The following PTPDC1 variants were observed in gnomAD, a reference collection of about 807,000 sequenced individuals.
PTPDC1 encodes protein tyrosine phosphatase domain containing 1, also known as protein tyrosine phosphatase domain-containing protein 1.
PTPDC1 carries 53 observed loss-of-function variants against 75.3 expected under a neutral mutation model. The observed-to-expected ratio is 0.70, with a 90% CI of 0.56 to 0.88. The LOEUF (loss-of-function observed/expected upper bound fraction) is 0.88. Among genes scored for constraint, PTPDC1 ranks in the 40% least tolerant of loss-of-function variants. PTPDC1 has a pLI of 0.00. For synonymous variants in PTPDC1, 349 were observed against 366.2 expected, an observed-to-expected ratio of 0.95 and a Z score of 0.54; for missense variants, 925 against 998.6, an observed-to-expected ratio of 0.93 and a Z score of 0.99.
chr9:94,088,144 G>A lies in PTPDC1; in HGVS notation c.498-1G>A, dbSNP rs1434299812. 35 of 1,610,436 alleles carry A rather than the reference G, an allele frequency of 2.2e-5. No homozygotes were observed. Among genetic ancestry groups the A allele is most frequent in the Non-Finnish European group, 3.0e-5 (35 of 1,179,074 alleles). ...TGACTGACTGCCCTTTTTCCTTTAAGCCATGGCATAAAAACAATAATCAAC... is the reference window on the plus strand; with the variant it reads ...TGACTGACTGCCCTTTTTCCTTTAAACCATGGCATAAAAACAATAATCAAC... On this transcript the variant is annotated splice_acceptor_variant, in intron 3 of 8. Transcript: ENST00000620992. LOFTEE classifies it high-confidence loss of function.
At chr9:94,081,255 G>C (rs980345923), upstream of PTPDC1, among the ~76,000 whole-genome samples, 1 of 152,276 alleles carries the variant, frequency 6.6e-6, no homozygotes, top group South Asian at 2.1e-4. Context: ...CTCCCAAAGT[G>C]CTGGGATTAC....
At chr9:94,060,773 G>A (rs568233935) in intron 1 of PTPDC1, among the ~76,000 whole-genome samples, 2 of 152,260 alleles carry the variant, frequency 1.3e-5, no homozygotes, top group African/African-American at 4.8e-5. Flanking sequence ...GGGGGATCAT[G>A]CTAAACCATT....
intron 1 of PTPDC1, among the ~76,000 whole-genome samples, chr9:94,059,869 C>T (rs1024027296): frequency 6.6e-6 from 1 of 152,056 alleles, no homozygotes; most frequent in Non-Finnish European, 1.5e-5. Context: ...TATTCTTTGA[C>T]TGTTGTTGTA....
At chr9:94,038,006 G>A (rs1247136859) in intron 1 of PTPDC1, 3 of 344,378 alleles carry the variant, frequency 8.7e-6, no homozygotes, top group Non-Finnish European at 1.7e-5. Context: ...CCTTCGTTGC[G>A]CCAGCGACAA....
At chr9:94,077,098 G>A (rs1405659651) in intron 2 of PTPDC1, among the ~76,000 whole-genome samples, 2 of 152,150 alleles carry the variant, frequency 1.3e-5, no homozygotes, top group South Asian at 2.1e-4. Flanking sequence ...ACTTAAGGCT[G>A]TGCAGTCATC....
chr9:94,074,254 A>G (rs928733017), intron 2 of PTPDC1, among the ~76,000 whole-genome samples: 1 of 152,000 alleles, frequency 6.6e-6, no homozygotes, highest in African/African-American at 2.4e-5. Context: ...ACCCCAACAA[A>G]AGTTGGGTGC....
At position 94,098,440 on chromosome 9, in the gene PTPDC1, T is replaced by C. The variant is rs16909677; in HGVS notation, c.1874T>C (p.Leu625Pro). 3.1e-6 allele frequency: 5 copies of C among 1,614,206 alleles called. No homozygotes were observed. The highest frequency in any genetic ancestry group is 3.4e-6 in the Non-Finnish European group (4 of 1,180,028). The change falls in exon 6 of 9, where the codon CTG (leucine) becomes CCG (proline). Residue 625 changes from leucine to proline, a missense_variant. Physicochemically the swap from Leu to Pro is moderately conservative, Grantham distance 98. Transcript: ENST00000620992. ...CATGAAACCCAGGACAGTAAAGATC[T>C]GTCTGAAGCAGCTTCACACTCTGCA... ...VEHETQDSKD[L>P]SEAASHSALQ...
In PTPDC1 at chr9:94,098,029, AC is replaced by A; in HGVS notation, c.1464del (p.Tyr488Ter). On this transcript the variant is annotated frameshift_variant, in exon 6 of 9. Transcript: ENST00000620992. LOFTEE classifies it high-confidence loss of function. ...CAGCAGAAGCTCATAAGCCATTGTT[AC>A]ATCCCACAGTCTCCAGAACCAGACT... is the stretch of plus-strand genomic sequence containing the variant. ...PRQQKLISHC[Y>X]IPQSPEPDLH... 2 of 1,614,204 alleles carry A rather than the reference AC, an allele frequency of 1.2e-6. No homozygotes were observed. Among genetic ancestry groups the A allele is most frequent in the African/African-American group, 1.3e-5 (1 of 75,058 alleles).
At chr9:94,069,244 T>G (rs1826426886) in intron 2 of PTPDC1, among the ~76,000 whole-genome samples, 1 of 152,182 alleles carries the variant, frequency 6.6e-6, no homozygotes, top group Non-Finnish European at 1.5e-5. Flanking sequence ...ACGGGTACAG[T>G]CATCCCTCCT....
intron 4 of PTPDC1, among the ~76,000 whole-genome samples, chr9:94,095,104 T>C (rs1035483972): frequency 6.6e-6 from 1 of 152,182 alleles, no homozygotes; most frequent in Non-Finnish European, 1.5e-5. Context: ...GCTCCTCCCC[T>C]CAGGAAATGT....
intron 2 of PTPDC1, among the ~76,000 whole-genome samples, chr9:94,074,865 A>G (rs1826632740): frequency 6.6e-6 from 1 of 152,184 alleles, no homozygotes; most frequent in African/African-American, 2.4e-5. Context: ...CCTCACTAAG[A>G]TGAAAGTTAT....
rs1175631023 is a variant in PTPDC1 at position 94,087,699 on chromosome 9, T to A, written c.417-132T>A. The A allele has an allele frequency of 4.5e-6, 3 of 666,952 alleles. No individual in the cohort carries two copies. The African/African-American group carries it at 5.4e-5, about 12-fold the overall frequency. 41.3% of individuals were successfully genotyped at this position (666,952 alleles called of 1,614,324 possible). A position where few individuals can be genotyped will look rare whatever the true frequency, so the allele number is the denominator to read the frequency against. Reference sequence around the variant, plus strand: ...GTATTATCTGTTCAAATAAAATTTATACACAAAAAAGAATATTCTAACAGA... The same window carrying A: ...GTATTATCTGTTCAAATAAAATTTAAACACAAAAAAGAATATTCTAACAGA... On this transcript the variant is annotated intron_variant, in intron 2 of 8. Transcript: ENST00000620992.
intron 1 of PTPDC1, among the ~76,000 whole-genome samples, chr9:94,043,876 T>C (rs1825508018): frequency 6.6e-6 from 1 of 152,260 alleles, no homozygotes. Flanking sequence ...ATTCACTTCA[T>C]ATAAACATCC....
chr9:94,095,638 T>A (rs1827536379), intron 5 of PTPDC1, among the ~76,000 whole-genome samples, 184 bp downstream of exon 5: 1 of 152,168 alleles, frequency 6.6e-6, no homozygotes, highest in Non-Finnish European at 1.5e-5. Context: ...TGATATATAG[T>A]TTCAAATAGC....
intron 2 of PTPDC1, among the ~76,000 whole-genome samples, chr9:94,075,662 T>G (rs533338738): frequency 6.6e-6 from 1 of 152,286 alleles, no homozygotes; most frequent in African/African-American, 2.4e-5. Flanking sequence ...TCTCTCACTC[T>G]CAGAGTCTTC....
intron 1 of PTPDC1, among the ~76,000 whole-genome samples, chr9:94,038,814 C>G (rs1267770668): frequency 1.3e-5 from 2 of 152,168 alleles, no homozygotes; most frequent in East Asian, 3.8e-4. Flanking sequence ...GTAGCAATGT[C>G]TACTTTATAT....
At chr9:94,047,702 T>C (rs1825654312) in intron 1 of PTPDC1, among the ~76,000 whole-genome samples, 1 of 151,556 alleles carries the variant, frequency 6.6e-6, no homozygotes, top group Non-Finnish European at 1.5e-5. Context: ...GAGAGAAGAA[T>C]CAAATAGACG....
chr9:94,053,778 A>G (rs1825853729), intron 1 of PTPDC1, among the ~76,000 whole-genome samples: 1 of 152,248 alleles, frequency 6.6e-6, no homozygotes, highest in African/African-American at 2.4e-5. Context: ...ATGGGCAGGA[A>G]GTTAGAGATA....
At chr9:94,038,032 G>A in intron 1 of PTPDC1, 2 of 452,060 alleles carry the variant, frequency 4.4e-6, no homozygotes, top group South Asian at 2.2e-5. Context: ...AATTAAATAT[G>A]GGTGATGTTG....
Sources: allele counts gnomAD v4.1 joint callset (sites outside exome capture counted in the v4.1 genomes callset), GRCh38; gene constraint gnomAD v4.1.1; transcripts MANE v1.5; gene names NCBI Gene and HGNC (gene_info 2026-07-23, HGNC 2026-07-21).